The following ILRUN variants were observed in gnomAD, a reference collection of about 807,000 sequenced individuals.
The protein encoded by ILRUN is protein ILRUN.
ILRUN carries 3 observed loss-of-function variants against 33.8 expected under a neutral mutation model. That is an observed-to-expected ratio of 0.09 (90% CI 0.04 to 0.23). The LOEUF (loss-of-function observed/expected upper bound fraction) is 0.23, where lower values mean the gene tolerates loss of function less well. Ranked by LOEUF, ILRUN falls within the 10% of genes least tolerant of loss-of-function variation. The pLI, the probability that ILRUN is intolerant of heterozygous loss-of-function variation, is 1.00. For missense variants in ILRUN, 210 were observed against 375.1 expected, an observed-to-expected ratio of 0.56 and a Z score of 3.64; for synonymous variants, 124 against 138.9, an observed-to-expected ratio of 0.89 and a Z score of 0.75.
chr6:34,656,507 C>T (rs1470969760), intron 1 of ILRUN, among the ~76,000 whole-genome samples: 2 of 152,182 alleles, frequency 1.3e-5, no homozygotes, highest in East Asian at 3.8e-4. Flanking sequence ...TGCTTCTCTT[C>T]TGGTCTTACT....
At chr6:34,614,924 G>C (rs1312442943) in intron 3 of ILRUN, among the ~76,000 whole-genome samples, 2 of 152,054 alleles carry the variant, frequency 1.3e-5, no homozygotes, top group African/African-American at 2.4e-5. Context: ...TAGGATACTT[G>C]CCAGTATTCC....
rs534125445 is a variant in ILRUN, at chr6:34,625,965, C to T, written c.512-19061G>A. On this transcript the variant is annotated intron_variant, in intron 3 of 4. Transcript: ENST00000374023. ...TCCCAGGTTCATGCCATACTCCTGC[C>T]TCAGCCTCCCGAGTAGCTGGGACTA... 2.0e-5 allele frequency among the ~76,000 whole-genome samples: 3 copies of T among 151,676 alleles called. No homozygotes were observed. In the East Asian group the frequency reaches 5.8e-4, roughly 30 times the overall value.
rs143445136 is a variant in ILRUN at position 34,635,866 on chromosome 6, C to T, written c.511+10735G>A. ...TGAACTCCTGACCTCTGGTGATCCA[C>T]GCGCCTCAGCCTCCCAAAGTGCTGG... On this transcript the variant is annotated intron_variant, in intron 3 of 4. Coordinates refer to ENST00000374023, the MANE Select transcript of ILRUN (RefSeq NM_024294.4). Among the ~76,000 whole-genome samples the T allele has an allele frequency of 3.0e-4, 46 of 152,154 alleles. No individual in the cohort carries two copies. The East Asian group carries it at 7.7e-3, about 26-fold the overall frequency.
At chr6:34,648,271 T>C (rs916880206) in intron 2 of ILRUN, among the ~76,000 whole-genome samples, 1 of 152,188 alleles carries the variant, frequency 6.6e-6, no homozygotes, top group African/African-American at 2.4e-5. Context: ...CAGAGGGTGC[T>C]TGTCATTTAT....
rs527801941 is a variant in ILRUN, at chr6:34,669,731, T to A, written c.159-14952A>T. Among the ~76,000 whole-genome samples the A allele has an allele frequency of 3.3e-5, 5 of 152,004 alleles. No individual in the cohort carries two copies. The South Asian group carries it at 1.0e-3, about 31-fold the overall frequency. On this transcript the variant is annotated intron_variant, in intron 1 of 4. Coordinates refer to ENST00000374023, the MANE Select transcript of ILRUN (RefSeq NM_024294.4). ...CTAGATGATACAAAACTAATTAACA[T>A]AACATAAATAAGTAAACAAAATGTG...
In ILRUN at chr6:34,588,572, A is replaced by T. The variant is rs536985612; in HGVS notation, c.*1993T>A. Reference sequence around the variant, plus strand: ...GGCCTAATGAGGCCCTCAGACAAAAAGCCATCCTGAGGCCTGTGGCGTGGG... The same window carrying T: ...GGCCTAATGAGGCCCTCAGACAAAATGCCATCCTGAGGCCTGTGGCGTGGG... On this transcript the variant is annotated 3_prime_UTR_variant, in exon 5 of 5. Transcript: ENST00000374023. 3.5e-4 allele frequency: 72 copies of T among 208,272 alleles called. No homozygotes were observed. The highest frequency in any genetic ancestry group is 1.6e-3 in the African/African-American group (69 of 43,894). 12.9% of individuals were successfully genotyped at this position (208,272 alleles called of 1,614,324 possible). A position where few individuals can be genotyped will look rare whatever the true frequency, so the allele number is the denominator to read the frequency against.
chr6:34,679,861 T>C (rs1416385988), intron 1 of ILRUN, among the ~76,000 whole-genome samples: 3 of 152,166 alleles, frequency 2.0e-5, no homozygotes, highest in Non-Finnish European at 4.4e-5. Flanking sequence ...ACTAGAGTGA[T>C]ACAGCTACAA....
intron 3 of ILRUN, among the ~76,000 whole-genome samples, chr6:34,617,673 G>A (rs1283004563): frequency 6.6e-6 from 1 of 152,108 alleles, no homozygotes; most frequent in African/African-American, 2.4e-5. Context: ...GCAGAGTACC[G>A]CTGAAGGACA....
chr6:34,616,571 G>A (rs1339751337), intron 3 of ILRUN: 11 of 1,535,126 alleles, frequency 7.2e-6, no homozygotes, highest in Non-Finnish European at 8.9e-6. Context: ...GGTTCCTGCT[G>A]TGCCAGAAAC....
intron 3 of ILRUN, among the ~76,000 whole-genome samples, chr6:34,621,909 C>A (rs916954516): frequency 1.1e-4 from 17 of 151,748 alleles, no homozygotes; most frequent in African/African-American, 4.1e-4. Flanking sequence ...CATATTAAGA[C>A]CAATGGAATA....
chr6:34,590,498 C>T lies in ILRUN; in HGVS notation c.*67G>A, dbSNP rs1469627929. On this transcript the variant is annotated 3_prime_UTR_variant, in exon 5 of 5. Coordinates refer to ENST00000374023, the MANE Select transcript of ILRUN (RefSeq NM_024294.4). The stretch of plus-strand genomic sequence containing the variant: ...ATGTGGTCTGCAATCCAGAGGAACC[C>T]CTTGCCCTAACCCCCCAAAGTCAGG... 11 of 1,610,818 alleles carry T rather than the reference C, an allele frequency of 6.8e-6. No individual in the cohort carries two copies. The highest frequency in any genetic ancestry group is 9.3e-6 in the Non-Finnish European group (11 of 1,178,542).
intron 2 of ILRUN, among the ~76,000 whole-genome samples, chr6:34,653,812 T>C (rs1762716877): frequency 6.6e-6 from 1 of 151,754 alleles, no homozygotes. Flanking sequence ...ATCTCTACAA[T>C]TAAAAAATTA....
At chr6:34,624,565 C>T (rs1762076860) in intron 3 of ILRUN, among the ~76,000 whole-genome samples, 1 of 151,942 alleles carries the variant, frequency 6.6e-6, no homozygotes, top group Non-Finnish European at 1.5e-5. Context: ...AACTCCTGAC[C>T]TCAGGTGATC....
intron 2 of ILRUN, among the ~76,000 whole-genome samples, chr6:34,652,188 T>C (rs151190591): frequency 4.3e-4 from 66 of 152,332 alleles, no homozygotes; most frequent in Non-Finnish European, 7.5e-4. Flanking sequence ...ACTGTCTTGA[T>C]ATTTTTTTAA....
At chr6:34,688,196 G>A (rs982987940) in intron 1 of ILRUN, among the ~76,000 whole-genome samples, 22 of 152,076 alleles carry the variant, frequency 1.4e-4, no homozygotes, top group African/African-American at 5.1e-4. Flanking sequence ...CTTAAGCCCA[G>A]GAGTTCTAAA....
chr6:34,616,315 A>G (rs1332603893), intron 3 of ILRUN, among the ~76,000 whole-genome samples: 2 of 152,214 alleles, frequency 1.3e-5, no homozygotes, highest in African/African-American at 4.8e-5. Context: ...CCCATCTTCA[A>G]AGCAGAACAG....
chr6:34,646,924 T>C lies in ILRUN; in HGVS notation c.314-126A>G, dbSNP rs2127360126. The C allele has an allele frequency of 1.3e-6, 1 of 769,380 alleles. No homozygotes were observed. 47.7% of individuals were successfully genotyped at this position (769,380 alleles called of 1,614,324 possible). On this transcript the variant is annotated intron_variant, in intron 2 of 4. Transcript: ENST00000374023. The surrounding 1 kb of genome is among the most constrained non-coding windows in gnomAD (Gnocchi z 4.9). ...ATACATACATAAACCTAACCACATA[T>C]ACCTAAGCCATATATTGTCTCACAC...
chr6:34,682,468 C>CA (rs932681310), intron 1 of ILRUN, among the ~76,000 whole-genome samples: 2 of 151,472 alleles, frequency 1.3e-5, no homozygotes, highest in Non-Finnish European at 2.9e-5. Flanking sequence ...CCATATTAGC[C>CA]AGGACGGTCT....
intron 3 of ILRUN, among the ~76,000 whole-genome samples, chr6:34,614,431 TAAAAA>T (rs869049658): frequency 5.3e-5 from 6 of 113,922 alleles, no homozygotes; most frequent in African/African-American, 1.7e-4. Flanking sequence ...CAAAAAATAA[TAAAAA>T]AAAAAAAATA....
Sources: gnomAD v4.1 joint callset for allele counts (sites outside exome capture counted in the v4.1 genomes callset) on GRCh38, gnomAD v4.1.1 for gene constraint, Gnocchi (gnomAD v3.1) non-coding constraint, MANE v1.5 for transcripts, NCBI Gene and HGNC (gene_info 2026-07-23, HGNC 2026-07-21) for gene names.